Variants in MICU1 observed in about 807,000 individuals in gnomAD.
MICU1 encodes the protein calcium uptake protein 1, mitochondrial.
In MICU1, 45 loss-of-function variants were observed where a neutral mutation model predicts 56.8. The ratio of observed to expected loss-of-function variants is 0.79; its 90% CI spans 0.62 to 1.02. MICU1 has a LOEUF of 1.02. Ranked by LOEUF, MICU1 falls within the 50% of genes least tolerant of loss-of-function variation. The pLI, the probability that MICU1 is intolerant of heterozygous loss-of-function variation, is 0.00. For missense variants in MICU1, 504 were observed against 587.1 expected, an observed-to-expected ratio of 0.86 and a Z score of 1.46; for synonymous variants, 186 against 195.1, an observed-to-expected ratio of 0.95 and a Z score of 0.39.
chr10:72,418,325 A>C (rs1489060280), intron 9 of MICU1, among the ~76,000 whole-genome samples: 1 of 152,164 alleles, frequency 6.6e-6, no homozygotes, highest in Non-Finnish European at 1.5e-5. Flanking sequence ...CCTCTGATTT[A>C]ATTGATTTGA....
chr10:72,588,849 G>GA (rs558026947), intron 1 of MICU1, among the ~76,000 whole-genome samples: 2 of 152,148 alleles, frequency 1.3e-5, no homozygotes, highest in Admixed American at 6.5e-5. Flanking sequence ...CCCCTTGGGG[G>GA]AAAAATCAGT....
At chr10:72,573,690 A>C (rs994332419) in intron 1 of MICU1, among the ~76,000 whole-genome samples, 1 of 152,202 alleles carries the variant, frequency 6.6e-6, no homozygotes, top group African/African-American at 2.4e-5. Flanking sequence ...TAAATTAGGC[A>C]AATAAAATTT....
At chr10:72,481,694 G>C (rs1401939022) in intron 6 of MICU1, among the ~76,000 whole-genome samples, 1 of 152,178 alleles carries the variant, frequency 6.6e-6, no homozygotes, top group African/African-American at 2.4e-5. Context: ...TTACAGGCGT[G>C]AGCCACAGCG....
intron 5 of MICU1, among the ~76,000 whole-genome samples, chr10:72,519,622 A>C (rs948835823): frequency 1.3e-5 from 2 of 152,176 alleles, no homozygotes; most frequent in African/African-American, 4.8e-5. Flanking sequence ...TGCTGGTGCC[A>C]TGAGGGGCAC....
At chr10:72,533,077 T>C (rs752789535) in intron 5 of MICU1, 8 of 1,289,912 alleles carry the variant, frequency 6.2e-6, no homozygotes, top group Non-Finnish European at 8.1e-6. Context: ...TTCTTCTTTC[T>C]GAAGTGCTTT....
At chr10:72,507,603 C>A (rs991751396) in intron 6 of MICU1, among the ~76,000 whole-genome samples, 6 of 152,148 alleles carry the variant, frequency 3.9e-5, no homozygotes, top group African/African-American at 1.4e-4. Flanking sequence ...TGACAGAATA[C>A]AGAGTGACAG....
chr10:72,386,557 ATTTT>A (rs34210330), intron 10 of MICU1, among the ~76,000 whole-genome samples: 3 of 120,186 alleles, frequency 2.5e-5, no homozygotes, highest in Non-Finnish European at 5.0e-5. Context: ...CCCGCCACCT[ATTTT>A]TTTTTTTTTT....
At position 72,486,593 on chromosome 10, in the gene MICU1, T is replaced by C. The variant is rs750401860; in HGVS notation, c.653-9337A>G. On this transcript the variant is annotated intron_variant, in intron 6 of 11. Coordinates refer to ENST00000361114, the MANE Select transcript of MICU1 (RefSeq NM_001195518.2). ...TTCAAGAGATTCTCCTGAGTCAGCC[T>C]CTCAAGTAGCTGAGATTGCAGGCGT... is the stretch of plus-strand genomic sequence containing the variant. Among the ~76,000 whole-genome samples, 11 of 152,204 alleles carry C rather than the reference T, an allele frequency of 7.2e-5. No homozygotes were observed. In the South Asian group the frequency reaches 1.2e-3, roughly 17 times the overall value.
At chr10:72,431,086 A>ATCTGTCTG (rs1236344733) in intron 8 of MICU1, among the ~76,000 whole-genome samples, 27 of 136,862 alleles carry the variant, frequency 2.0e-4, no homozygotes, top group African/African-American at 6.1e-4. Flanking sequence ...ATATACCTTT[A>ATCTGTCTG]TCTGTCTGTC....
intron 6 of MICU1, among the ~76,000 whole-genome samples, chr10:72,495,814 C>T (rs951724765): frequency 6.6e-6 from 1 of 152,038 alleles, no homozygotes; most frequent in Non-Finnish European, 1.5e-5. Context: ...AAAATTTAGA[C>T]AGTCTAACTA....
intron 1 of MICU1, among the ~76,000 whole-genome samples, chr10:72,595,950 T>A (rs1320546408): frequency 4.6e-5 from 7 of 151,454 alleles, no homozygotes; most frequent in Admixed American, 4.6e-4. Context: ...GGCAACACAG[T>A]GAGGAGACTG....
intron 4 of MICU1, among the ~76,000 whole-genome samples, chr10:72,534,576 G>A (rs188374793): frequency 1.7e-4 from 26 of 152,224 alleles, no homozygotes; most frequent in Non-Finnish European, 2.9e-5. Flanking sequence ...TTTTGAGGGT[G>A]GAGAAATTAG....
intron 8 of MICU1, among the ~76,000 whole-genome samples, chr10:72,426,103 C>T (rs928889777): frequency 3.3e-5 from 5 of 152,160 alleles, no homozygotes; most frequent in Admixed American, 6.5e-5. Context: ...CTACAACTTC[C>T]GCCTTCTGGG....
At chr10:72,456,201 T>C (rs1402310932) in intron 8 of MICU1, among the ~76,000 whole-genome samples, 1 of 152,210 alleles carries the variant, frequency 6.6e-6, no homozygotes, top group Non-Finnish European at 1.5e-5. Flanking sequence ...GCAATGAGTC[T>C]AACACTATGA....
rs146272435 is a variant in MICU1, at chr10:72,575,272, T to C, written c.-1-8478A>G. Among the ~76,000 whole-genome samples, 1,421 of 152,368 alleles carry C rather than the reference T, an allele frequency of 9.3e-3. 5 individuals are homozygous for C. The highest frequency in any genetic ancestry group is 0.015 in the Admixed American group (234 of 15,298). On this transcript the variant is annotated intron_variant, in intron 1 of 11. Coordinates refer to ENST00000361114, the MANE Select transcript of MICU1 (RefSeq NM_001195518.2). ...GTGGCCTTCCTGGCCCTATTTTGTT[T>C]GGATCTAACAAAAGTGATTCATCCT...
chr10:72,483,892 T>G (rs1208430788), intron 6 of MICU1: 1 of 152,212 alleles, frequency 6.6e-6, no homozygotes. Flanking sequence ...ACATAGACTG[T>G]AATTGATTAC....
In MICU1 at chr10:72,555,342, C is replaced by T. The variant is rs373033274; in HGVS notation, c.331-4001G>A. Among the ~76,000 whole-genome samples, 7 of 152,072 alleles carry T rather than the reference C, an allele frequency of 4.6e-5. No homozygotes were observed. The East Asian group carries it at 5.8e-4, about 13-fold the overall frequency. On this transcript the variant is annotated intron_variant, in intron 3 of 11. Coordinates refer to ENST00000361114, the MANE Select transcript of MICU1 (RefSeq NM_001195518.2). ...CCAACCAATAAAAAGTAAGCCCCAGCTTGAGACTTGAGTTTTAGAAAGGAA... is the reference window on the plus strand; with the variant it reads ...CCAACCAATAAAAAGTAAGCCCCAGTTTGAGACTTGAGTTTTAGAAAGGAA...
At chr10:72,482,184 T>C (rs536028022) in intron 6 of MICU1, among the ~76,000 whole-genome samples, 2 of 152,332 alleles carry the variant, frequency 1.3e-5, no homozygotes, top group South Asian at 4.1e-4. Context: ...GCATAAGGAA[T>C]GGTACGGGTA....
chr10:72,415,293 G>A (rs1386923636), intron 9 of MICU1, among the ~76,000 whole-genome samples: 4 of 152,120 alleles, frequency 2.6e-5, no homozygotes, highest in African/African-American at 9.7e-5. Flanking sequence ...TGGGATTACA[G>A]GCGTGAGTCA....
Sources: allele counts gnomAD v4.1 joint callset (sites outside exome capture counted in the v4.1 genomes callset), GRCh38; gene constraint gnomAD v4.1.1; transcripts MANE v1.5; gene names NCBI Gene and HGNC (gene_info 2026-07-23, HGNC 2026-07-21).